Variants in TRMT13 observed in about 807,000 individuals in gnomAD.
TRMT13 encodes tRNA methyltransferase 13.
A neutral mutation model predicts 55.9 loss-of-function variants in TRMT13; 45 were observed. That is an observed-to-expected ratio of 0.80 (90% confidence interval 0.63 to 1.03). The LOEUF is 1.03. Among genes scored for constraint, TRMT13 ranks in the 50% least tolerant of loss-of-function variants. The pLI is 0.00. For missense variants in TRMT13, 513 were observed against 563.9 expected (o/e 0.91, Z 0.91); for synonymous variants, 183 against 196.3 (o/e 0.93, Z 0.57).
At position 100,139,681 on chromosome 1, in the gene TRMT13, A is replaced by AAG; in HGVS notation, c.298_299dup (p.Asp100GlufsTer10). On this transcript the variant is annotated frameshift_variant, in exon 4 of 11. Transcript: ENST00000370141. LOFTEE classifies it high-confidence loss of function. ...ATATTCAAGATATTAATGCAGGCTT[A>AAG]AGAGATGAAACAGAAATACCTGAAC... The AAG allele has an allele frequency of 6.5e-7, 1 of 1,541,936 alleles. No individual in the cohort carries two copies. Among genetic ancestry groups the AAG allele is most frequent in the Non-Finnish European group, 8.9e-7 (1 of 1,118,138 alleles).
At position 100,140,460 on chromosome 1, in the gene TRMT13, T is replaced by G. The variant is rs147168066; in HGVS notation, c.447T>G (p.Asp149Glu). The G allele has an allele frequency of 1.5e-5, 24 of 1,613,936 alleles. No homozygotes were observed. Among genetic ancestry groups the G allele is most frequent in the Non-Finnish European group, 2.0e-5 (24 of 1,179,954 alleles). The change falls in exon 6 of 11, where the codon GAT (aspartate) becomes GAG (glutamate). Residue 149 changes from aspartate (D) to glutamate (E), a missense_variant. Physicochemically the swap from Asp to Glu is conservative, Grantham distance 45 (BLOSUM62 2). Transcript: ENST00000370141. ...DHIMSHPALH[D>E]ALNDPKNGDS... is the part of the protein sequence containing the mutation. ...TTATGTCCCATCCAGCATTACACGATGCACTTAATGACCCTAAAAATGGCG... is the reference window on the plus strand; with the variant it reads ...TTATGTCCCATCCAGCATTACACGAGGCACTTAATGACCCTAAAAATGGCG...
At chr1:100,136,454 T>C (rs1432859361) in intron 1 of TRMT13, among the ~76,000 whole-genome samples, 1 of 152,202 alleles carries the variant, frequency 6.6e-6, no homozygotes, top group African/African-American at 2.4e-5. Context: ...TGTATATTAT[T>C]TTTATTGCCA....
At position 100,140,979 on chromosome 1, in the gene TRMT13, T is replaced by C. The variant is rs779576942; in HGVS notation, c.629T>C (p.Val210Ala). 4 of 1,613,548 alleles carry C rather than the reference T, an allele frequency of 2.5e-6. No homozygotes were observed. The highest frequency in any genetic ancestry group is 3.4e-6 in the Non-Finnish European group (4 of 1,179,704). ...ATTGCCTTAAAAGATGCTGAAAAAG[T>C]TCACTTCATCCTAGTGGAAAAGGTG... ...VDIALKDAEKVHFILVEKVTT... is the reference protein window; with the variant it reads ...VDIALKDAEKAHFILVEKVTT... Residue 210 changes from valine to alanine, a missense_variant, in exon 7 of 11, where the codon GTT becomes GCT. Val to Ala is a moderately conservative substitution (Grantham distance 64). Around this residue, in one of 3 missense-constraint regions of TRMT13, gnomAD observed 298 missense variants for 290.3 expected, o/e 1.03. Transcript: ENST00000370141.
chr1:100,140,040 G>A, intron 4 of TRMT13, 142 bp from the exon 5 acceptor site: 1 of 620,468 alleles, frequency 1.6e-6, no homozygotes. Flanking sequence ...AATTCTGATG[G>A]CAGCTTAGGG....
In TRMT13 at chr1:100,133,264, G is replaced by C. The variant is rs779101176; in HGVS notation, c.96G>C (p.Met32Ile). The C allele has an allele frequency of 1.9e-6, 3 of 1,613,988 alleles. No individual in the cohort carries two copies. The part of the protein sequence containing the change: ...YVEKKKRFCR[M>I]VVAAGKRFCG... ...AAAAGAAGAAACGGTTCTGCAGGATGGTGGTGGCCGCAGGGAAAAGATTTT... is the reference window on the plus strand; with the variant it reads ...AAAAGAAGAAACGGTTCTGCAGGATCGTGGTGGCCGCAGGGAAAAGATTTT... Residue 32 changes from methionine (M) to isoleucine (I), a missense_variant, in exon 1 of 11, where the codon ATG becomes ATC. Around this residue, in one of 3 missense-constraint regions of TRMT13, gnomAD observed 298 missense variants for 290.3 expected, o/e 1.03. Coordinates refer to ENST00000370141, the MANE Select transcript of TRMT13 (RefSeq NM_019083.3).
chr1:100,133,419 C>T (rs1655312357), intron 1 of TRMT13, 104 bp downstream of exon 1: 3 of 1,341,200 alleles, frequency 2.2e-6, no homozygotes, highest in Non-Finnish European at 2.0e-6. Context: ...TGCTTGTGTC[C>T]CCTGGATTCT....
chr1:100,143,266 G>C (rs1557911872), intron 8 of TRMT13, 57 bp downstream of exon 8: 2 of 1,170,456 alleles, frequency 1.7e-6, no homozygotes, highest in Non-Finnish European at 2.5e-6. Flanking sequence ...TTTAAACTCT[G>C]AGGTTGCTTA....
chr1:100,141,354 A>G (rs536846581), intron 7 of TRMT13, among the ~76,000 whole-genome samples: 1 of 152,154 alleles, frequency 6.6e-6, no homozygotes, highest in Non-Finnish European at 1.5e-5. Context: ...ATTTTTGAGC[A>G]TACTGCCAGG....
intron 9 of TRMT13, among the ~76,000 whole-genome samples, chr1:100,147,068 T>C (rs1657364718): frequency 6.6e-6 from 1 of 152,224 alleles, no homozygotes; most frequent in Non-Finnish European, 1.5e-5. Context: ...ATGTTTTTGA[T>C]TGAACAGACA....
chr1:100,148,232 A>G lies in TRMT13; in HGVS notation c.1156A>G (p.Thr386Ala). 2 of 1,614,196 alleles carry G rather than the reference A, an allele frequency of 1.2e-6. No individual in the cohort carries two copies. Among genetic ancestry groups the G allele is most frequent in the Middle Eastern group, 1.6e-4 (1 of 6,062 alleles). Residue 386 changes from threonine to alanine, a missense_variant, in exon 10 of 11, where the codon ACC becomes GCC. Thr to Ala is a moderately conservative substitution (Grantham distance 58, BLOSUM62 0). Transcript: ENST00000370141. The stretch of plus-strand genomic sequence containing the variant: ...AACATCTTTGGAAACCTCAAATAGT[A>G]CCACAAAGAGGCAAGATAATCAGAA... Reference protein sequence around the residue: ...RKTSLETSNSTTKRQDNQNDD... With the variant: ...RKTSLETSNSATKRQDNQNDD...
Position 100,148,680 on chromosome 1 carries a change from G to T in TRMT13, c.1306G>T (p.Asp436Tyr). The change falls in exon 11 of 11, where the codon GAC becomes TAC. Residue 436 changes from aspartate to tyrosine, a missense_variant. This residue lies in a region of TRMT13 where 209 missense variants were observed against 255.8 expected (regional missense o/e 0.82). Transcript: ENST00000370141. Reference protein sequence around the residue: ...KIGHLCKLLIDQGRIQYLQQK... With the variant: ...KIGHLCKLLIYQGRIQYLQQK... The stretch of plus-strand genomic sequence containing the variant: ...AGGGCATCTTTGTAAATTGCTGATT[G>T]ACCAAGGTCGAATCCAGTATTTGCA... 1 of 1,613,340 alleles carries T rather than the reference G, an allele frequency of 6.2e-7. No individual in the cohort carries two copies. Among genetic ancestry groups the T allele is most frequent in the South Asian group, 1.1e-5 (1 of 90,916 alleles).
At chr1:100,144,488 A>G (rs1007306511) in intron 9 of TRMT13, 3 of 160,396 alleles carry the variant, frequency 1.9e-5, no homozygotes, top group Non-Finnish European at 4.1e-5. Context: ...AGTTGCTTAG[A>G]AAGAACTCAG....
chr1:100,143,948 A>C, intron 8 of TRMT13, 121 bp from the exon 9 acceptor site: 1 of 750,216 alleles, frequency 1.3e-6, no homozygotes, highest in Non-Finnish European at 2.3e-6. Context: ...ATAAAGTGAT[A>C]ATTTTTGTTT....
intron 8 of TRMT13, 99 bp from the exon 9 acceptor site, chr1:100,143,970 A>C: frequency 1.0e-6 from 1 of 985,536 alleles, no homozygotes; most frequent in East Asian, 2.6e-5. Flanking sequence ...AGTCTCTTTC[A>C]GGCTAAAATT....
intron 1 of TRMT13, 49 bp from the exon 2 acceptor site, chr1:100,136,833 C>A: frequency 1.4e-6 from 2 of 1,420,524 alleles, no homozygotes; most frequent in Non-Finnish European, 1.9e-6. Context: ...TATCTGTAAG[C>A]AATAAACTTG....
chr1:100,146,126 C>T (rs1048422463), intron 9 of TRMT13, among the ~76,000 whole-genome samples: 7 of 152,190 alleles, frequency 4.6e-5, no homozygotes, highest in African/African-American at 1.7e-4. Context: ...CTCACCCAAA[C>T]AAAACAACTG....
chr1:100,147,785 T>C, intron 9 of TRMT13, 109 bp from the exon 10 acceptor site: 1 of 1,019,030 alleles, frequency 9.8e-7, no homozygotes, highest in South Asian at 1.9e-5. Flanking sequence ...AGTAGGTTTT[T>C]GCTGTTTTTA....
chr1:100,141,887 C>T lies in TRMT13; in HGVS notation c.669+868C>T, dbSNP rs368835852. 3.9e-4 allele frequency among the ~76,000 whole-genome samples: 60 copies of T among 152,186 alleles called. No homozygotes were observed. The South Asian group carries it at 0.011, about 28-fold the overall frequency. On this transcript the variant is annotated intron_variant, in intron 7 of 10. Coordinates refer to ENST00000370141, the MANE Select transcript of TRMT13 (RefSeq NM_019083.3). The stretch of plus-strand genomic sequence containing the variant: ...GAAGCAAGAACAGTGTAACCAAATA[C>T]CTGAAATAACAGGAAAATATGGAAA...
chr1:100,149,166 C>G lies in TRMT13; in HGVS notation c.*346C>G. 2 of 1,552,912 alleles carry G rather than the reference C, an allele frequency of 1.3e-6. No individual in the cohort carries two copies. Among genetic ancestry groups the G allele is most frequent in the Non-Finnish European group, 1.7e-6 (2 of 1,155,948 alleles). On this transcript the variant is annotated 3_prime_UTR_variant, in exon 11 of 11. Coordinates refer to ENST00000370141, the MANE Select transcript of TRMT13 (RefSeq NM_019083.3). The stretch of plus-strand genomic sequence containing the variant: ...GTTTGTATTAATTTTGGAAATTTAT[C>G]TTCCTTTGATTTTATTTAATATTTT...
Sources: allele counts gnomAD v4.1 joint callset (sites outside exome capture counted in the v4.1 genomes callset), GRCh38; gene constraint gnomAD v4.1.1; regional missense constraint gnomAD v4.1.1; transcripts MANE v1.5; gene names NCBI Gene and HGNC (gene_info 2026-07-23, HGNC 2026-07-21).